The following CCDC85A variants were observed in gnomAD, a reference collection of about 807,000 sequenced individuals.
The protein encoded by CCDC85A is coiled-coil domain containing 85A.
A neutral mutation model predicts 50.2 loss-of-function variants in CCDC85A; 38 were observed. The ratio of observed to expected loss-of-function variants is 0.76; its 90% CI spans 0.58 to 0.99. CCDC85A has a LOEUF of 0.99. CCDC85A is among the 50% of genes least tolerant of loss of function. The pLI is 0.00. For synonymous variants in CCDC85A, 366 were observed against 301.4 expected (o/e 1.21, Z -2.22); for missense variants, 820 against 742.0 (o/e 1.11, Z -1.22).
intron 2 of CCDC85A, among the ~76,000 whole-genome samples, chr2:56,243,029 GT>G (rs1342115888): frequency 1.6e-4 from 24 of 150,402 alleles, no homozygotes; most frequent in Non-Finnish European, 1.0e-4. Context: ...TTTCTGTGTT[GT>G]TTTTTTTTCT....
At position 56,193,084 on chromosome 2, in the gene CCDC85A, AC is replaced by A. The variant is rs1179965658; in HGVS notation, c.887del (p.Pro296ArgfsTer15). 8 of 1,613,506 alleles carry A rather than the reference AC, an allele frequency of 5.0e-6. No homozygotes were observed. The highest frequency in any genetic ancestry group is 6.8e-6 in the Non-Finnish European group (8 of 1,179,814). On this transcript the variant is annotated frameshift_variant, in exon 2 of 6. Transcript: ENST00000407595. LOFTEE classifies it high-confidence loss of function. ...AAGGGCAGCCCCGAACAGCAAAGGC[AC>A]CCGCATCCAGGGAGCAGCCCCGAAA... is the stretch of plus-strand genomic sequence containing the variant. ...LCKGSPEQQR[H>X]PHPGSSPETL...
Position 56,365,862 on chromosome 2 carries a change from C to G in CCDC85A, c.1318-6482C>G, listed in dbSNP as rs933589148. Among the ~76,000 whole-genome samples, 5 of 152,120 alleles carry G rather than the reference C, an allele frequency of 3.3e-5. No homozygotes were observed. The South Asian group carries it at 1.0e-3, about 31-fold the overall frequency. On this transcript the variant is annotated intron_variant, in intron 3 of 5. Coordinates refer to ENST00000407595, the MANE Select transcript of CCDC85A (RefSeq NM_001080433.2). ...GTACAGTAGATCACTTGAAATTATT[C>G]CTCCTGTCTAACTGAAATTTTGTAT...
At chr2:56,286,907 T>A (rs1671471345) in intron 2 of CCDC85A, among the ~76,000 whole-genome samples, 1 of 152,208 alleles carries the variant, frequency 6.6e-6, no homozygotes, top group Admixed American at 6.5e-5. Flanking sequence ...CCTGTTGGAC[T>A]TGGTTTTATT....
At chr2:56,291,946 G>A (rs1671729733) in intron 2 of CCDC85A, among the ~76,000 whole-genome samples, 3 of 152,122 alleles carry the variant, frequency 2.0e-5, no homozygotes, top group African/African-American at 7.2e-5. Context: ...AGGCTAGCTT[G>A]CACTACAGTG....
At chr2:56,248,783 A>G (rs2103985970) in intron 2 of CCDC85A, among the ~76,000 whole-genome samples, 1 of 152,286 alleles carries the variant, frequency 6.6e-6, no homozygotes, top group East Asian at 1.9e-4. Context: ...ACTGGTCTGA[A>G]CTGGGTTTCA....
chr2:56,377,396 A>G (rs377505829), intron 5 of CCDC85A, among the ~76,000 whole-genome samples: 4 of 152,330 alleles, frequency 2.6e-5, no homozygotes, highest in African/African-American at 9.6e-5. Flanking sequence ...TTGTAGTATT[A>G]TAGCATCTGC....
chr2:56,319,008 C>T (rs1673042724), intron 2 of CCDC85A, among the ~76,000 whole-genome samples: 1 of 152,068 alleles, frequency 6.6e-6, no homozygotes, highest in South Asian at 2.1e-4. Context: ...GATCTGCCGT[C>T]ATGATGCTGG....
Position 56,192,533 on chromosome 2 carries a change from C to T in CCDC85A, c.333C>T (p.Phe111=). 1 of 1,613,894 alleles carries T rather than the reference C, an allele frequency of 6.2e-7. No homozygotes were observed. Among genetic ancestry groups the T allele is most frequent in the Non-Finnish European group, 8.5e-7 (1 of 1,179,886 alleles). ...DNQELRDLCC[F]LDDDRQKGKR... is the part of the protein sequence containing the mutation. ...AGGAACTGAGGGACCTCTGCTGTTT[C>T]CTGGATGATGACCGGCAGAAAGGCA... is the stretch of plus-strand genomic sequence containing the variant. The change falls in exon 2 of 6, where the codon TTC becomes TTT. Residue 111 remains phenylalanine (F), a synonymous_variant. Coordinates refer to ENST00000407595, the MANE Select transcript of CCDC85A (RefSeq NM_001080433.2). This position sits in a 1 kb window ranked among gnomAD's most constrained non-coding sequence, Gnocchi z 4.7.
rs147112823 is a variant in CCDC85A at position 56,251,962 on chromosome 2, C to T, written c.1240+58522C>T. On this transcript the variant is annotated intron_variant, in intron 2 of 5. Coordinates refer to ENST00000407595, the MANE Select transcript of CCDC85A (RefSeq NM_001080433.2). ...ACATGTGCACAACGTGCAGGTTTGT[C>T]GGATAGTCTGTGCTATTCAGTTTGA... is the stretch of plus-strand genomic sequence containing the variant. Among the ~76,000 whole-genome samples, 499 of 150,610 alleles carry T rather than the reference C, an allele frequency of 3.3e-3. 3 individuals are homozygous for T. The highest frequency in any genetic ancestry group is 0.011 in the African/African-American group (467 of 40,970).
At chr2:56,205,119 G>A (rs1343143613) in intron 2 of CCDC85A, among the ~76,000 whole-genome samples, 1 of 152,108 alleles carries the variant, frequency 6.6e-6, no homozygotes, top group African/African-American at 2.4e-5. Context: ...GGAAAAGAGA[G>A]AAGGATTTCC....
At chr2:56,294,969 A>T (rs1347822859) in intron 2 of CCDC85A, among the ~76,000 whole-genome samples, 3 of 152,212 alleles carry the variant, frequency 2.0e-5, no homozygotes, top group Non-Finnish European at 4.4e-5. Flanking sequence ...TGAGGACTAA[A>T]TACATGATAG....
At chr2:56,376,801 C>T (rs1200771898) in intron 5 of CCDC85A, among the ~76,000 whole-genome samples, 3 of 152,140 alleles carry the variant, frequency 2.0e-5, no homozygotes, top group East Asian at 1.9e-4. Context: ...TTTGATCAAA[C>T]CTTTCTGACC....
chr2:56,327,782 C>G (rs966624924), intron 2 of CCDC85A, among the ~76,000 whole-genome samples: 5 of 140,762 alleles, frequency 3.6e-5, no homozygotes, highest in African/African-American at 1.3e-4. Flanking sequence ...AAGGCAAGGA[C>G]CAAGTACTGA....
At chr2:56,293,092 C>G (rs1460323693) in intron 2 of CCDC85A, among the ~76,000 whole-genome samples, 1 of 152,140 alleles carries the variant, frequency 6.6e-6, no homozygotes, top group African/African-American at 2.4e-5. Context: ...GCTCATGCCC[C>G]CTGGGTACTG....
chr2:56,368,838 A>G (rs1311293999), intron 3 of CCDC85A, among the ~76,000 whole-genome samples: 1 of 151,994 alleles, frequency 6.6e-6, no homozygotes, highest in African/African-American at 2.4e-5. Flanking sequence ...ATACATATGT[A>G]CATATATGTA....
intron 3 of CCDC85A, among the ~76,000 whole-genome samples, chr2:56,354,582 G>C (rs993188026): frequency 2.0e-5 from 3 of 152,324 alleles, no homozygotes; most frequent in Non-Finnish European, 4.4e-5. Context: ...CACACAGTGA[G>C]ATGGTAATGA....
chr2:56,316,829 T>C (rs1302841808), intron 2 of CCDC85A, among the ~76,000 whole-genome samples: 1 of 152,160 alleles, frequency 6.6e-6, no homozygotes, highest in African/African-American at 2.4e-5. Flanking sequence ...TGGCAAAATG[T>C]CACTTTTTTA....
chr2:56,251,038 G>C (rs531119852), intron 2 of CCDC85A, among the ~76,000 whole-genome samples: 2 of 151,848 alleles, frequency 1.3e-5, no homozygotes, highest in African/African-American at 4.8e-5. Context: ...CATTTTATAC[G>C]TTTCTGGTCT....
chr2:56,246,043 G>A (rs1669495605), intron 2 of CCDC85A, among the ~76,000 whole-genome samples: 1 of 152,186 alleles, frequency 6.6e-6, no homozygotes, highest in Admixed American at 6.5e-5. Context: ...TCCTGCCTCA[G>A]CCTCCCAAGT....
Sources: gnomAD v4.1 joint callset for allele counts (sites outside exome capture counted in the v4.1 genomes callset) on GRCh38, gnomAD v4.1.1 for gene constraint, Gnocchi (gnomAD v3.1) non-coding constraint, MANE v1.5 for transcripts, NCBI Gene and HGNC (gene_info 2026-07-23, HGNC 2026-07-21) for gene names.